Variants in WWC2 observed in about 807,000 individuals in gnomAD.
The protein encoded by WWC2 is protein WWC2.
In WWC2, 101 loss-of-function variants were observed where a neutral mutation model predicts 138.5. That is an observed-to-expected ratio of 0.73 (90% CI 0.62 to 0.86). WWC2 has a LOEUF of 0.86. Ranked by LOEUF, WWC2 falls within the 40% of genes least tolerant of loss-of-function variation. The pLI is 0.00. For synonymous variants in WWC2, 558 were observed against 538.4 expected, an observed-to-expected ratio of 1.04 and a Z score of -0.50; for missense variants, 1,420 against 1,419.4, an observed-to-expected ratio of 1.00 and a Z score of -0.01.
intron 1 of WWC2, among the ~76,000 whole-genome samples, chr4:183,162,300 T>C (rs754263435): frequency 1.3e-5 from 2 of 152,212 alleles, no homozygotes; most frequent in Non-Finnish European, 2.9e-5. Context: ...TATACACTTA[T>C]AGAGAATTTT....
Position 183,113,505 on chromosome 4 carries a change from T to C in WWC2, c.131+13883T>C, listed in dbSNP as rs1254441857. Among the ~76,000 whole-genome samples, 10 of 146,846 alleles carry C rather than the reference T, an allele frequency of 6.8e-5. No individual in the cohort carries two copies. The East Asian group carries it at 1.0e-3, about 15-fold the overall frequency. On this transcript the variant is annotated intron_variant, in intron 1 of 22. Coordinates refer to ENST00000403733, the MANE Select transcript of WWC2 (RefSeq NM_024949.6). Reference sequence around the variant, plus strand: ...CTGTGTGTGTGTGTGTGTGTGTGTGTGTGTGTGTGTGCGCGCGCGTGCGCG... The same window carrying C: ...CTGTGTGTGTGTGTGTGTGTGTGTGCGTGTGTGTGTGCGCGCGCGTGCGCG...
At chr4:183,309,415 C>A (rs1316798677) in intron 21 of WWC2, among the ~76,000 whole-genome samples, 1 of 152,202 alleles carries the variant, frequency 6.6e-6, no homozygotes, top group Admixed American at 6.5e-5. Context: ...GTTTAAAAAT[C>A]GGCAAAAGAC....
rs1309623348 is a variant in WWC2, at chr4:183,319,078, T to G, written c.*3349T>G. 1.3e-5 allele frequency: 2 copies of G among 154,182 alleles called. No homozygotes were observed. Among genetic ancestry groups the G allele is most frequent in the Non-Finnish European group, 2.9e-5 (2 of 69,358 alleles). The allele number at this position is 154,182 out of a possible 1,614,324, so 9.6% of individuals were successfully genotyped here. On this transcript the variant is annotated 3_prime_UTR_variant, in exon 23 of 23. Transcript: ENST00000403733. Reference sequence around the variant, plus strand: ...GTCTCTGATTCAGAAGGAGATGATGTGTCTACACCTTTCACCTCTGAAGCT... The same window carrying G: ...GTCTCTGATTCAGAAGGAGATGATGGGTCTACACCTTTCACCTCTGAAGCT...
intron 20 of WWC2, among the ~76,000 whole-genome samples, chr4:183,288,079 C>G (rs200395725): frequency 6.6e-6 from 1 of 152,170 alleles, no homozygotes; most frequent in East Asian, 1.9e-4. Context: ...TAATGTGTGT[C>G]TAGATGATTC....
intron 17 of WWC2, among the ~76,000 whole-genome samples, chr4:183,282,004 A>C (rs1738091594): frequency 6.6e-6 from 1 of 152,174 alleles, no homozygotes; most frequent in Non-Finnish European, 1.5e-5. Flanking sequence ...CCAGTTTGTC[A>C]TTATGTCACC....
At chr4:183,160,051 G>A (rs1013277928) in intron 1 of WWC2, among the ~76,000 whole-genome samples, 22 of 152,160 alleles carry the variant, frequency 1.4e-4, no homozygotes, top group African/African-American at 5.3e-4. Context: ...CCAGCAACTT[G>A]ATTGAAATTT....
chr4:183,262,356 C>A (rs571299088), intron 11 of WWC2, among the ~76,000 whole-genome samples: 1 of 152,184 alleles, frequency 6.6e-6, no homozygotes, highest in African/African-American at 2.4e-5. Context: ...TACAGCTGTC[C>A]TGTTCACAGC....
chr4:183,222,822 C>T (rs1230883343), intron 4 of WWC2, among the ~76,000 whole-genome samples: 8 of 151,942 alleles, frequency 5.3e-5, no homozygotes, highest in African/African-American at 1.9e-4. Flanking sequence ...AAATTAGTCG[C>T]ATGTGGTGGT....
chr4:183,211,490 A>G (rs1317623671), intron 4 of WWC2, among the ~76,000 whole-genome samples: 1 of 152,196 alleles, frequency 6.6e-6, no homozygotes, highest in Admixed American at 6.5e-5. Flanking sequence ...TAATTTTAAT[A>G]TAATCATGAT....
chr4:183,210,806 T>C (rs939949023), intron 4 of WWC2, among the ~76,000 whole-genome samples: 2 of 152,236 alleles, frequency 1.3e-5, no homozygotes, highest in Non-Finnish European at 2.9e-5. Flanking sequence ...GTACATTCAG[T>C]ACCTAGAATT....
intron 1 of WWC2, among the ~76,000 whole-genome samples, chr4:183,165,675 T>G (rs2111152444): frequency 6.6e-6 from 1 of 152,284 alleles, no homozygotes; most frequent in South Asian, 2.1e-4. Context: ...CCGTTGAGGC[T>G]TACATTTAAT....
intron 1 of WWC2, among the ~76,000 whole-genome samples, chr4:183,143,722 C>T (rs1405564991): frequency 2.0e-5 from 3 of 151,752 alleles, no homozygotes; most frequent in African/African-American, 4.8e-5. Flanking sequence ...GTGGGAGGAT[C>T]GCTTGAGCCC....
chr4:183,216,178 G>A (rs1015731515), intron 4 of WWC2, among the ~76,000 whole-genome samples: 1 of 152,192 alleles, frequency 6.6e-6, no homozygotes, highest in African/African-American at 2.4e-5. Context: ...GTGAAAGTAT[G>A]AAATAGCTAT....
intron 9 of WWC2, 111 bp downstream of exon 9, chr4:183,254,110 G>T: frequency 6.9e-7 from 1 of 1,440,714 alleles, no homozygotes; most frequent in East Asian, 2.4e-5. Flanking sequence ...TTAGTGGACT[G>T]AGAAACAGCA....
At chr4:183,280,691 A>G (rs751348965) in intron 16 of WWC2, 85 bp from the exon 17 acceptor site, 55 of 1,390,440 alleles carry the variant, frequency 4.0e-5, no homozygotes, top group Non-Finnish European at 4.0e-5. Context: ...CTTTACAGAT[A>G]GAAGTGTAAA....
chr4:183,099,481 G>A lies in WWC2; in HGVS notation c.-11G>A. On this transcript the variant is annotated 5_prime_UTR_variant, in exon 1 of 23. Transcript: ENST00000403733. ...CTATGGAGGCGCCGCTCGCCGGCGA[G>A]GCCGCCGACCATGCCTAGGAGGGCC... The A allele has an allele frequency of 7.7e-7, 1 of 1,302,894 alleles. No homozygotes were observed. The highest frequency in any genetic ancestry group is 9.8e-7 in the Non-Finnish European group (1 of 1,015,708). The allele number at this position is 1,302,894 out of a possible 1,614,324, so 80.7% of individuals were successfully genotyped here. A position where few individuals can be genotyped will look rare whatever the true frequency, so the allele number is the denominator to read the frequency against.
chr4:183,209,194 G>T (rs1031625978), intron 4 of WWC2, among the ~76,000 whole-genome samples, 169 bp downstream of exon 4: 5 of 152,106 alleles, frequency 3.3e-5, no homozygotes, highest in African/African-American at 1.2e-4. Flanking sequence ...CAGAGTGTGG[G>T]ATAGTCTTTA....
intron 1 of WWC2, among the ~76,000 whole-genome samples, chr4:183,178,909 T>A (rs375207320): frequency 2.6e-5 from 4 of 152,188 alleles, no homozygotes; most frequent in African/African-American, 9.7e-5. Context: ...AAAATACTTG[T>A]CAGTATCTAA....
intron 1 of WWC2, among the ~76,000 whole-genome samples, chr4:183,165,935 A>G (rs145717308): frequency 1.2e-3 from 185 of 152,346 alleles, no homozygotes; most frequent in Non-Finnish European, 1.2e-3. Context: ...TGTCTCATTT[A>G]TGGAGTCCCC....
Sources: gnomAD v4.1 joint callset for allele counts (sites outside exome capture counted in the v4.1 genomes callset) on GRCh38, gnomAD v4.1.1 for gene constraint, MANE v1.5 for transcripts, NCBI Gene and HGNC (gene_info 2026-07-23, HGNC 2026-07-21) for gene names.